Variants in LRRTM4 observed in about 807,000 individuals in gnomAD.
LRRTM4 encodes leucine-rich repeat transmembrane neuronal protein 4.
In LRRTM4, 25 loss-of-function variants were observed where a neutral mutation model predicts 47.6. That is an observed-to-expected ratio of 0.53 (90% CI 0.38 to 0.73). The LOEUF (loss-of-function observed/expected upper bound fraction) is 0.73, where lower values mean the gene tolerates loss of function less well. Ranked by LOEUF, LRRTM4 falls within the 30% of genes least tolerant of loss-of-function variation. LRRTM4 has a pLI of 0.00. For missense variants in LRRTM4, 638 were observed against 713.4 expected (o/e 0.89, Z 1.20); for synonymous variants, 311 against 269.5 (o/e 1.15, Z -1.51).
At chr2:77,003,166 T>C (rs17013580) in intron 3 of LRRTM4, among the ~76,000 whole-genome samples, 5,588 of 140,244 alleles carry the variant, frequency 0.04, 226 homozygotes, top group East Asian at 0.14. Context: ...TTCAGCTTTT[T>C]ATGTTCTTAT....
At chr2:76,794,957 A>G (rs116771506) in intron 3 of LRRTM4, among the ~76,000 whole-genome samples, 2,428 of 152,340 alleles carry the variant, frequency 0.016, 73 homozygotes, top group African/African-American at 0.056. Flanking sequence ...TGATAGAAGA[A>G]TATCTTAATC....
intron 3 of LRRTM4, among the ~76,000 whole-genome samples, chr2:77,308,259 A>G (rs1043662444): frequency 4.0e-5 from 6 of 151,000 alleles, no homozygotes; most frequent in African/African-American, 1.5e-4. Flanking sequence ...ATTCAAATTC[A>G]TGTTAAAATA....
intron 3 of LRRTM4, among the ~76,000 whole-genome samples, chr2:77,197,509 T>A (rs1673862276): frequency 6.6e-6 from 1 of 152,170 alleles, no homozygotes; most frequent in Non-Finnish European, 1.5e-5. Context: ...AAGTACATCT[T>A]ACAACTTTCT....
intron 3 of LRRTM4, among the ~76,000 whole-genome samples, chr2:77,144,326 C>T (rs1222278801): frequency 6.6e-6 from 1 of 151,962 alleles, no homozygotes; most frequent in Non-Finnish European, 1.5e-5. Context: ...TCTTCACGAC[C>T]AAGGCCACAG....
chr2:77,278,166 C>T (rs1025134699), intron 3 of LRRTM4, among the ~76,000 whole-genome samples: 1 of 152,084 alleles, frequency 6.6e-6, no homozygotes, highest in South Asian at 2.1e-4. Context: ...TCTAGCACGT[C>T]TTCAGTCCTG....
At chr2:76,853,126 T>C (rs1159479583) in intron 3 of LRRTM4, among the ~76,000 whole-genome samples, 1 of 152,054 alleles carries the variant, frequency 6.6e-6, no homozygotes, top group Non-Finnish European at 1.5e-5. Flanking sequence ...TATTTTTCAG[T>C]TTTGTTTTTT....
chr2:76,769,500 T>G (rs1573070936), intron 3 of LRRTM4, among the ~76,000 whole-genome samples: 1 of 151,758 alleles, frequency 6.6e-6, no homozygotes, highest in Non-Finnish European at 1.5e-5. Flanking sequence ...TTGAGACGTC[T>G]CTAAATAAAA....
intron 3 of LRRTM4, among the ~76,000 whole-genome samples, chr2:77,386,633 G>C (rs1023965390): frequency 6.6e-6 from 1 of 152,056 alleles, no homozygotes; most frequent in East Asian, 1.9e-4. Context: ...GGGATTGCTG[G>C]GTCAAATGGT....
At chr2:77,252,623 G>A (rs1162273715) in intron 3 of LRRTM4, among the ~76,000 whole-genome samples, 1 of 152,034 alleles carries the variant, frequency 6.6e-6, no homozygotes, top group African/African-American at 2.4e-5. Flanking sequence ...AATCTTCAAG[G>A]TGATCCTTCC....
chr2:76,918,661 C>G (rs916797671), intron 3 of LRRTM4, among the ~76,000 whole-genome samples: 1 of 152,128 alleles, frequency 6.6e-6, no homozygotes, highest in African/African-American at 2.4e-5. Context: ...GCCTAGTTAA[C>G]AGCCATTTTC....
chr2:76,950,652 T>C (rs1675464556), intron 3 of LRRTM4, among the ~76,000 whole-genome samples: 1 of 152,004 alleles, frequency 6.6e-6, no homozygotes, highest in Non-Finnish European at 1.5e-5. Flanking sequence ...TACAAACAGT[T>C]GTAAACAAAC....
chr2:76,772,962 A>C (rs1673776870), intron 3 of LRRTM4: 1 of 152,154 alleles, frequency 6.6e-6, no homozygotes, highest in Non-Finnish European at 1.5e-5. Context: ...CTCAAAAGCT[A>C]AGCAGGGTAG....
chr2:76,784,915 G>T (rs984250087), intron 3 of LRRTM4, among the ~76,000 whole-genome samples: 9 of 152,110 alleles, frequency 5.9e-5, no homozygotes, highest in Non-Finnish European at 1.0e-4. Flanking sequence ...AATTAATTCA[G>T]TTCGAATAGA....
intron 3 of LRRTM4, among the ~76,000 whole-genome samples, chr2:77,043,911 A>T (rs1460708979): frequency 2.0e-5 from 3 of 147,616 alleles, no homozygotes; most frequent in Non-Finnish European, 4.5e-5. Flanking sequence ...AGGTAAAAAC[A>T]TTTTTTTTTT....
intron 3 of LRRTM4, among the ~76,000 whole-genome samples, chr2:76,774,497 G>A (rs1331412830): frequency 6.6e-6 from 1 of 152,038 alleles, no homozygotes; most frequent in African/African-American, 2.4e-5. Flanking sequence ...GCCAATAAAA[G>A]AGAACATTAT....
At chr2:77,501,029 C>T (rs1050965863) in intron 3 of LRRTM4, among the ~76,000 whole-genome samples, 6 of 150,844 alleles carry the variant, frequency 4.0e-5, no homozygotes, top group African/African-American at 1.5e-4. Context: ...AGAGAGTTAA[C>T]AATGATTTAT....
chr2:77,227,317 G>A (rs1325943675), intron 3 of LRRTM4, among the ~76,000 whole-genome samples: 1 of 151,974 alleles, frequency 6.6e-6, no homozygotes. Flanking sequence ...GGGTTTTGCT[G>A]AGTGAAATAA....
At position 76,924,777 on chromosome 2, in the gene LRRTM4, C is replaced by T. The variant is rs1418931413; in HGVS notation, c.1552-175861G>A. Among the ~76,000 whole-genome samples, 3 of 152,072 alleles carry T rather than the reference C, an allele frequency of 2.0e-5. No homozygotes were observed. In the East Asian group the frequency reaches 5.8e-4, roughly 29 times the overall value. ...ATAATAAGACACACACGCAGACACA[C>T]ACACACACCCCTCAAATATCTACCA... On this transcript the variant is annotated intron_variant, in intron 3 of 3. Transcript: ENST00000409884.
intron 3 of LRRTM4, among the ~76,000 whole-genome samples, chr2:77,066,726 G>A (rs1003042016): frequency 7.9e-5 from 12 of 152,178 alleles, no homozygotes; most frequent in Non-Finnish European, 1.2e-4. Flanking sequence ...TTTTTACATA[G>A]GAAAGGTATG....
Sources: gnomAD v4.1 joint callset for allele counts (sites outside exome capture counted in the v4.1 genomes callset) on GRCh38, gnomAD v4.1.1 for gene constraint, MANE v1.5 for transcripts, NCBI Gene and HGNC (gene_info 2026-07-23, HGNC 2026-07-21) for gene names.